Variants in USH2A observed in about 807,000 individuals in gnomAD.
USH2A encodes the protein Usher syndrome 2A (autosomal recessive, mild).
A neutral mutation model predicts 538.9 loss-of-function variants in USH2A; 443 were observed. That is an observed-to-expected ratio of 0.82 (90% CI 0.76 to 0.89). USH2A has a LOEUF of 0.89. USH2A is among the 40% of genes least tolerant of loss of function. The pLI is 0.00. For synonymous variants in USH2A, 2,413 were observed against 2,273.5 expected, an observed-to-expected ratio of 1.06 and a Z score of -1.75; for missense variants, 6,633 against 6,324.8, an observed-to-expected ratio of 1.05 and a Z score of -1.65.
intron 70 of USH2A, among the ~76,000 whole-genome samples, chr1:215,632,237 T>C (rs1464883485): frequency 5.9e-5 from 9 of 152,056 alleles, no homozygotes; most frequent in Admixed American, 3.3e-4. Flanking sequence ...CCAGACTTCT[T>C]GAGGTTCTGG....
At chr1:215,747,003 A>C (rs1399614787) in intron 58 of USH2A, among the ~76,000 whole-genome samples, 1 of 152,192 alleles carries the variant, frequency 6.6e-6, no homozygotes, top group African/African-American at 2.4e-5. Context: ...ATGTATGGTG[A>C]GTGATTAGAA....
chr1:215,674,814 G>A lies in USH2A; in HGVS notation c.13097C>T (p.Ala4366Val), dbSNP rs727505097. The change falls in exon 63 of 72, where the codon GCC becomes GTC. Residue 4366 changes from alanine (A) to valine (V), a missense_variant. Ala to Val is a moderately conservative substitution (Grantham distance 64). Transcript: ENST00000307340. ...PSEVSPPDLW[A>V]VSATQMNVCW... ...TACATTCATTTGAGTGGCACTGACG[G>A]CCCAAAGATCTGGAGGGCTGACTTC... The A allele has an allele frequency of 1.4e-5, 23 of 1,613,984 alleles. No individual in the cohort carries two copies. Among genetic ancestry groups the A allele is most frequent in the Admixed American group, 8.3e-5 (5 of 60,004 alleles).
At chr1:215,979,893 G>C (rs1667708744) in intron 35 of USH2A, among the ~76,000 whole-genome samples, 1 of 152,126 alleles carries the variant, frequency 6.6e-6, no homozygotes, top group Admixed American at 6.5e-5. Flanking sequence ...TTGTTTTTCA[G>C]TGTGAGGATA....
At chr1:216,116,079 TACTC>T (rs1464105831) in intron 21 of USH2A, among the ~76,000 whole-genome samples, 2 of 151,776 alleles carry the variant, frequency 1.3e-5, no homozygotes, top group African/African-American at 2.4e-5. Flanking sequence ...TATCATTACT[TACTC>T]TGTGTTTCTA....
chr1:216,163,593 G>A (rs982590590), intron 21 of USH2A, among the ~76,000 whole-genome samples: 9 of 151,914 alleles, frequency 5.9e-5, no homozygotes, highest in African/African-American at 2.2e-4. Context: ...TCTGGTTGAT[G>A]TGATCTTTCA....
At chr1:215,886,421 T>C (rs188208704) in intron 41 of USH2A, among the ~76,000 whole-genome samples, 115 of 152,336 alleles carry the variant, frequency 7.5e-4, no homozygotes, top group Non-Finnish European at 3.4e-4. Context: ...GACAGATATG[T>C]TATCTTAATA....
chr1:216,328,546 G>A (rs2037782859), intron 4 of USH2A, among the ~76,000 whole-genome samples: 1 of 151,952 alleles, frequency 6.6e-6, no homozygotes, highest in African/African-American at 2.4e-5. Context: ...ATCATCAAAT[G>A]ACCATTTTCC....
intron 3 of USH2A, among the ~76,000 whole-genome samples, chr1:216,388,387 T>G (rs537545110): frequency 6.6e-6 from 1 of 152,282 alleles, no homozygotes; most frequent in South Asian, 2.1e-4. Context: ...TGCATATGTT[T>G]TGGTGATGCT....
intron 55 of USH2A, among the ~76,000 whole-genome samples, chr1:215,777,742 G>A (rs954957626): frequency 6.6e-6 from 1 of 152,140 alleles, no homozygotes; most frequent in African/African-American, 2.4e-5. Flanking sequence ...TTCATTTTTG[G>A]GAGAACGAAA....
chr1:215,626,384 G>A (rs1252155760), intron 71 of USH2A, among the ~76,000 whole-genome samples: 1 of 151,216 alleles, frequency 6.6e-6, no homozygotes, highest in Non-Finnish European at 1.5e-5. Flanking sequence ...GTCTGGTCTT[G>A]AACTCCTGAC....
intron 47 of USH2A, among the ~76,000 whole-genome samples, chr1:215,836,565 A>AATATATATATATATATATATTTTT (rs1663536970): frequency 3.0e-5 from 1 of 32,878 alleles, no homozygotes; most frequent in African/African-American, 9.2e-5. Flanking sequence ...ATATATATAT[A>AATATATATATATATATATATTTTT]TTTTTTTTTG....
intron 55 of USH2A, 23 bp downstream of exon 55, chr1:215,779,820 T>C: frequency 6.2e-7 from 1 of 1,612,266 alleles, no homozygotes; most frequent in Admixed American, 1.7e-5. Context: ...CCAGTAGGAT[T>C]TCCTTTTTTT....
chr1:215,858,636 G>T (rs1421784217), intron 44 of USH2A, among the ~76,000 whole-genome samples: 1 of 151,376 alleles, frequency 6.6e-6, no homozygotes, highest in African/African-American at 2.4e-5. Context: ...AGCAATGTGA[G>T]AACAGACTAT....
chr1:215,895,232 T>C (rs1435485752), intron 40 of USH2A, among the ~76,000 whole-genome samples: 1 of 152,206 alleles, frequency 6.6e-6, no homozygotes, highest in African/African-American at 2.4e-5. Context: ...CTGCTTTTAA[T>C]CAGTACTTTG....
intron 32 of USH2A, among the ~76,000 whole-genome samples, chr1:216,004,800 C>T (rs1225529414): frequency 3.3e-5 from 5 of 151,966 alleles, no homozygotes; most frequent in African/African-American, 9.7e-5. Flanking sequence ...GGAGTTTTGT[C>T]CTTGAATATG....
chr1:215,737,781 G>C (rs1027713032), intron 60 of USH2A, among the ~76,000 whole-genome samples: 2 of 151,860 alleles, frequency 1.3e-5, no homozygotes, highest in Non-Finnish European at 2.9e-5. Context: ...TTCAATGCTC[G>C]TCTTTTCTTA....
chr1:216,253,947 T>C (rs1333775627), intron 11 of USH2A, among the ~76,000 whole-genome samples: 2 of 152,208 alleles, frequency 1.3e-5, no homozygotes, highest in South Asian at 2.1e-4. Context: ...CTTGCTCTGC[T>C]ATAAAGCATA....
chr1:216,192,173 C>T (rs564698465), intron 19 of USH2A, among the ~76,000 whole-genome samples: 1 of 151,942 alleles, frequency 6.6e-6, no homozygotes, highest in East Asian at 1.9e-4. Flanking sequence ...TTTTACGTAT[C>T]CCCCCTGTCT....
At chr1:216,136,313 T>C (rs1381028054) in intron 21 of USH2A, among the ~76,000 whole-genome samples, 1 of 152,192 alleles carries the variant, frequency 6.6e-6, no homozygotes, top group Non-Finnish European at 1.5e-5. Flanking sequence ...ATTACCAGGA[T>C]GAATTTCAGG....
Sources: allele counts gnomAD v4.1 joint callset (sites outside exome capture counted in the v4.1 genomes callset), GRCh38; gene constraint gnomAD v4.1.1; transcripts MANE v1.5; gene names NCBI Gene and HGNC (gene_info 2026-07-23, HGNC 2026-07-21).